Variants in DNAH12 observed in about 807,000 individuals in gnomAD.
The protein encoded by DNAH12 is axonemal beta dynein heavy chain 12.
Under a neutral mutation model 371.5 loss-of-function variants are expected in DNAH12, and 285 were observed. The ratio of observed to expected loss-of-function variants is 0.77; its 90% CI spans 0.70 to 0.85. DNAH12 has a LOEUF of 0.85. DNAH12 is among the 40% of genes least tolerant of loss of function. The pLI is 0.00. For synonymous variants in DNAH12, 1,200 were observed against 1,213.0 expected, an observed-to-expected ratio of 0.99 and a Z score of 0.22; for missense variants, 3,611 against 3,689.4, an observed-to-expected ratio of 0.98 and a Z score of 0.55.
intron 65 of DNAH12, among the ~76,000 whole-genome samples, chr3:57,316,595 A>C (rs1054173388): frequency 6.6e-6 from 1 of 152,032 alleles, no homozygotes; most frequent in South Asian, 2.1e-4. Context: ...CTGTGTCCCC[A>C]CCTAAATCTC....
At chr3:57,301,693 C>T (rs2061349271) in intron 70 of DNAH12, 42 bp downstream of exon 70, 12 of 1,082,918 alleles carry the variant, frequency 1.1e-5, no homozygotes, top group Non-Finnish European at 1.5e-5. Flanking sequence ...CACACACACA[C>T]ACACACACAC....
At chr3:57,294,619 C>T (rs531208640) in intron 73 of DNAH12, among the ~76,000 whole-genome samples, 3 of 152,250 alleles carry the variant, frequency 2.0e-5, no homozygotes, top group African/African-American at 7.2e-5. Flanking sequence ...GAATAAAATA[C>T]AGTATAGGTA....
At chr3:57,460,445 C>T (rs185815889) in intron 19 of DNAH12, among the ~76,000 whole-genome samples, 1 of 152,268 alleles carries the variant, frequency 6.6e-6, no homozygotes, top group Non-Finnish European at 1.5e-5. Flanking sequence ...TAATATCTCT[C>T]TTTGGTTCTT....
chr3:57,434,326 G>A (rs865938020), intron 30 of DNAH12, among the ~76,000 whole-genome samples: 1 of 152,136 alleles, frequency 6.6e-6, no homozygotes, highest in Admixed American at 6.5e-5. Context: ...ATAGGTAATT[G>A]CCAGCTAGAG....
chr3:57,430,178 CTT>C (rs1474439427), intron 32 of DNAH12, among the ~76,000 whole-genome samples: 1 of 152,100 alleles, frequency 6.6e-6, no homozygotes, highest in Non-Finnish European at 1.5e-5. Flanking sequence ...CATGCGTACT[CTT>C]ATACCCAGCT....
At chr3:57,537,256 A>T (rs2069085045) in intron 2 of DNAH12, among the ~76,000 whole-genome samples, 1 of 152,192 alleles carries the variant, frequency 6.6e-6, no homozygotes, top group Non-Finnish European at 1.5e-5. Flanking sequence ...AAAATTTTGT[A>T]ATAAAATCAA....
chr3:57,509,237 C>G, intron 5 of DNAH12, 25 bp from the exon 6 acceptor site: 1 of 1,595,386 alleles, frequency 6.3e-7, no homozygotes. Flanking sequence ...TATATTAATG[C>G]TTCTTGAAAA....
At chr3:57,417,996 C>CA (rs1175155980) in intron 37 of DNAH12, among the ~76,000 whole-genome samples, 1 of 151,612 alleles carries the variant, frequency 6.6e-6, no homozygotes, top group East Asian at 1.9e-4. Context: ...ACTAAAAATA[C>CA]AAAAAATTAG....
chr3:57,338,220 C>T (rs1269950993), intron 60 of DNAH12, among the ~76,000 whole-genome samples: 2 of 152,202 alleles, frequency 1.3e-5, no homozygotes, highest in South Asian at 2.1e-4. Flanking sequence ...CTGTGTTGGC[C>T]GGGCTGGTCT....
At chr3:57,387,287 G>A (rs921397880) in intron 45 of DNAH12, 68 bp from the exon 46 acceptor site, 4 of 152,244 alleles carry the variant, frequency 2.6e-5, no homozygotes, top group Non-Finnish European at 5.9e-5. Context: ...AACTCCATAA[G>A]TTAATGCATA....
At chr3:57,533,452 T>C (rs1489485160) in intron 2 of DNAH12, among the ~76,000 whole-genome samples, 1 of 152,094 alleles carries the variant, frequency 6.6e-6, no homozygotes, top group African/African-American at 2.4e-5. Flanking sequence ...TGGCCTAACC[T>C]GGATAATTTC....
chr3:57,461,633 A>G lies in DNAH12; in HGVS notation c.2592T>C (p.Ala864=). Reference sequence around the variant, plus strand: ...TGTCACGATACAGACTTATATGAAAAGCAATATCTTCCCAAGTTCCTATCA... The same window carrying G: ...TGTCACGATACAGACTTATATGAAAGGCAATATCTTCCCAAGTTCCTATCA... The part of the protein sequence containing the change: ...NTMIGTWEDI[A]FHISLYRDTG... The change falls in exon 19 of 74, where the codon GCT becomes GCC. Residue 864 remains alanine (A), a synonymous_variant. Transcript: ENST00000495027. 13 of 1,551,316 alleles carry G rather than the reference A, an allele frequency of 8.4e-6. No homozygotes were observed. Among genetic ancestry groups the G allele is most frequent in the Non-Finnish European group, 9.6e-6 (11 of 1,146,844 alleles).
rs755962147 is a variant in DNAH12 at position 57,445,148 on chromosome 3, T to A, written c.4425+26A>T. On this transcript the variant is annotated intron_variant, in intron 28 of 73. Coordinates refer to ENST00000495027, the MANE Select transcript of DNAH12 (RefSeq NM_001366028.2). The stretch of plus-strand genomic sequence containing the variant: ...GAAAATTATCTTTCTACTGAAACTT[T>A]CCCAATGTGTATATTTAATACTTAC... 3.6e-5 allele frequency: 54 copies of A among 1,498,618 alleles called. 1 individual carries two copies. In the South Asian group the frequency reaches 7.0e-4, roughly 19 times the overall value. 92.8% of individuals were successfully genotyped at this position (1,498,618 alleles called of 1,614,324 possible). A position where few individuals can be genotyped will look rare whatever the true frequency, so the allele number is the denominator to read the frequency against.
intron 33 of DNAH12, among the ~76,000 whole-genome samples, 172 bp from the exon 34 acceptor site, chr3:57,428,993 A>G (rs563400887): frequency 6.6e-6 from 1 of 152,324 alleles, no homozygotes; most frequent in Non-Finnish European, 1.5e-5. Flanking sequence ...TTTGCAGTTC[A>G]GTTCCCCAGA....
At chr3:57,502,149 C>T (rs1431593529) in intron 10 of DNAH12, among the ~76,000 whole-genome samples, 174 bp downstream of exon 10, 1 of 152,106 alleles carries the variant, frequency 6.6e-6, no homozygotes, top group Non-Finnish European at 1.5e-5. Context: ...CCTTGTGATC[C>T]GCCCGCCTCG....
At chr3:57,437,163 C>A (rs188172096) in intron 29 of DNAH12, 103 bp from the exon 30 acceptor site, 5 of 728,714 alleles carry the variant, frequency 6.9e-6, no homozygotes, top group South Asian at 1.9e-5. Flanking sequence ...AAAAAACTAT[C>A]ATCATTGTTT....
chr3:57,483,204 T>C (rs2066809865), intron 13 of DNAH12, among the ~76,000 whole-genome samples, 172 bp downstream of exon 13: 1 of 152,028 alleles, frequency 6.6e-6, no homozygotes, highest in Non-Finnish European at 1.5e-5. Flanking sequence ...ATCAGAAAGT[T>C]ATATGCAGAG....
chr3:57,420,908 CAAAAAAAAAA>C (rs369971376), intron 36 of DNAH12, among the ~76,000 whole-genome samples: 1 of 78,016 alleles, frequency 1.3e-5, no homozygotes, highest in African/African-American at 5.3e-5. Context: ...GACTCCGTCT[CAAAAAAAAAA>C]AAAAAAAAAA....
chr3:57,460,439 A>C (rs1432075691), intron 19 of DNAH12, among the ~76,000 whole-genome samples: 2 of 152,212 alleles, frequency 1.3e-5, no homozygotes, highest in Admixed American at 1.3e-4. Flanking sequence ...TTAATATAAT[A>C]TCTCTCTTTG....
Sources: allele counts gnomAD v4.1 joint callset (sites outside exome capture counted in the v4.1 genomes callset), GRCh38; gene constraint gnomAD v4.1.1; transcripts MANE v1.5; gene names NCBI Gene and HGNC (gene_info 2026-07-23, HGNC 2026-07-21).